The following CLYBL variants were observed in gnomAD, a reference collection of about 807,000 sequenced individuals.
CLYBL encodes the protein citramalyl-CoA lyase, mitochondrial.
A neutral mutation model predicts 38.9 loss-of-function variants in CLYBL; 31 were observed. The observed-to-expected ratio is 0.80, with a 90% CI of 0.60 to 1.08. CLYBL has a LOEUF of 1.08. Ranked by LOEUF, CLYBL falls within the 50% of genes least tolerant of loss-of-function variation. CLYBL has a pLI of 0.00. For missense variants in CLYBL, 434 were observed against 411.6 expected (o/e 1.05, Z -0.47); for synonymous variants, 171 against 158.6 (o/e 1.08, Z -0.59).
At chr13:99,732,231 G>A (rs61974417) in intron 1 of CLYBL, among the ~76,000 whole-genome samples, 4,161 of 137,872 alleles carry the variant, frequency 0.03, 75 homozygotes, top group Middle Eastern at 0.16. Context: ...ACCTATACTG[G>A]AGTGCAGTGG....
intron 1 of CLYBL, among the ~76,000 whole-genome samples, chr13:99,717,670 G>C (rs995201605): frequency 6.6e-6 from 1 of 151,944 alleles, no homozygotes; most frequent in Non-Finnish European, 1.5e-5. Context: ...ATATTGCCCA[G>C]GCTGGTCTCA....
At chr13:99,652,358 C>T (rs2047267530) in intron 1 of CLYBL, among the ~76,000 whole-genome samples, 2 of 152,200 alleles carry the variant, frequency 1.3e-5, no homozygotes, top group Admixed American at 1.3e-4. Context: ...AGTGCCCCAA[C>T]TGGCCTGTCT....
intron 1 of CLYBL, among the ~76,000 whole-genome samples, chr13:99,732,287 A>G (rs536716638): frequency 6.8e-6 from 1 of 147,742 alleles, no homozygotes. Flanking sequence ...GGCCCAAGCC[A>G]TCAGTCTTCC....
At chr13:99,758,747 A>T (rs1197263727) in intron 1 of CLYBL, among the ~76,000 whole-genome samples, 1 of 152,142 alleles carries the variant, frequency 6.6e-6, no homozygotes, top group Non-Finnish European at 1.5e-5. Context: ...AATCCTCCTT[A>T]TACGTTTCTT....
intron 3 of CLYBL, among the ~76,000 whole-genome samples, chr13:99,860,279 TA>T (rs1263745401): frequency 1.3e-5 from 2 of 152,202 alleles, no homozygotes; most frequent in Non-Finnish European, 2.9e-5. Flanking sequence ...AAGATACTAT[TA>T]AAATTAAATT....
intron 1 of CLYBL, among the ~76,000 whole-genome samples, chr13:99,732,713 A>G (rs1380567703): frequency 4.6e-5 from 7 of 152,214 alleles, no homozygotes; most frequent in African/African-American, 1.2e-4. Context: ...TGAAAATAAG[A>G]TATGAAAATA....
chr13:99,724,022 CAT>C (rs1413354455), intron 1 of CLYBL, among the ~76,000 whole-genome samples: 7 of 152,176 alleles, frequency 4.6e-5, no homozygotes, highest in Non-Finnish European at 8.8e-5. Context: ...TGAGTTGTGT[CAT>C]TCCCTCATGG....
At chr13:99,645,939 A>G (rs1425381710) in intron 1 of CLYBL, among the ~76,000 whole-genome samples, 1 of 152,154 alleles carries the variant, frequency 6.6e-6, no homozygotes, top group East Asian at 1.9e-4. Flanking sequence ...GGTGTGGGGC[A>G]TGAATAAGCC....
chr13:99,873,244 A>G (rs899184140), intron 7 of CLYBL, among the ~76,000 whole-genome samples: 2 of 152,194 alleles, frequency 1.3e-5, no homozygotes, highest in African/African-American at 4.8e-5. Flanking sequence ...GGTCACAGAA[A>G]TTGGATCTGC....
At chr13:99,745,011 A>G (rs934047420) in intron 1 of CLYBL, among the ~76,000 whole-genome samples, 3 of 152,176 alleles carry the variant, frequency 2.0e-5, no homozygotes, top group African/African-American at 7.2e-5. Flanking sequence ...ATTGTCACCC[A>G]ACATACTTCC....
chr13:99,718,717 T>C (rs969993182), intron 1 of CLYBL, among the ~76,000 whole-genome samples: 15 of 152,212 alleles, frequency 9.9e-5, no homozygotes, highest in Non-Finnish European at 1.5e-4. Context: ...TTGAGAAATA[T>C]TTTTCTGATA....
At chr13:99,851,976 C>T (rs1284836069) in intron 2 of CLYBL, among the ~76,000 whole-genome samples, 1 of 152,074 alleles carries the variant, frequency 6.6e-6, no homozygotes, top group Admixed American at 6.5e-5. Context: ...CAAAATGTGA[C>T]CTATCCATAC....
chr13:99,714,174 CTGTT>C (rs1191116206), intron 1 of CLYBL, among the ~76,000 whole-genome samples: 11 of 152,266 alleles, frequency 7.2e-5, no homozygotes, highest in Middle Eastern at 3.4e-3. Flanking sequence ...TCTTATTTCT[CTGTT>C]TGTTCTGTTT....
rs1326365700 is a variant in CLYBL at position 99,849,640 on chromosome 13, G to A, written c.250-9221G>A. ...CATTGTCCTATGAGTTTGAGTCAGA[G>A]GTGCCTCAGAGGCCCATAAGGATGC... On this transcript the variant is annotated intron_variant, in intron 2 of 8. Transcript: ENST00000339105. This position sits in a 1 kb window ranked among gnomAD's most constrained non-coding sequence, Gnocchi z 4.9. 1.3e-5 allele frequency among the ~76,000 whole-genome samples: 2 copies of A among 152,206 alleles called. No homozygotes were observed. Among genetic ancestry groups the A allele is most frequent in the Non-Finnish European group, 2.9e-5 (2 of 68,046 alleles).
At chr13:99,900,692 C>G (rs2052632250), downstream of CLYBL, among the ~76,000 whole-genome samples, 1 of 152,188 alleles carries the variant, frequency 6.6e-6, no homozygotes, top group African/African-American at 2.4e-5. Flanking sequence ...CAGCTTCCTC[C>G]TCCCTCGAGC....
intron 1 of CLYBL, among the ~76,000 whole-genome samples, chr13:99,626,245 C>A (rs1231873326): frequency 2.0e-5 from 3 of 152,160 alleles, no homozygotes; most frequent in Non-Finnish European, 2.9e-5. Flanking sequence ...GAAGAGTGTT[C>A]TTGGCAGAGG....
At chr13:99,685,989 A>AT (rs2047812016) in intron 1 of CLYBL, among the ~76,000 whole-genome samples, 2 of 151,946 alleles carry the variant, frequency 1.3e-5, no homozygotes, top group South Asian at 4.2e-4. Flanking sequence ...TCTCATAGAC[A>AT]TTTTTCTCCT....
At chr13:99,850,691 T>C (rs755911769) in intron 2 of CLYBL, among the ~76,000 whole-genome samples, 2 of 151,980 alleles carry the variant, frequency 1.3e-5, no homozygotes, top group Non-Finnish European at 2.9e-5. Flanking sequence ...CCCAAAAGAA[T>C]TGAAAAGAGG....
At chr13:99,720,620 A>G (rs1463334862) in intron 1 of CLYBL, among the ~76,000 whole-genome samples, 1 of 152,134 alleles carries the variant, frequency 6.6e-6, no homozygotes, top group Non-Finnish European at 1.5e-5. Flanking sequence ...TTCCTCTTGG[A>G]TGATTGCTTA....
Sources: allele counts gnomAD v4.1 joint callset (sites outside exome capture counted in the v4.1 genomes callset), GRCh38; gene constraint gnomAD v4.1.1; non-coding constraint Gnocchi (gnomAD v3.1); transcripts MANE v1.5; gene names NCBI Gene and HGNC (gene_info 2026-07-23, HGNC 2026-07-21).